Variants in FBXW5 observed in about 807,000 individuals in gnomAD.
FBXW5 encodes the protein F-box/WD repeat-containing protein 5.
In FBXW5, 74 loss-of-function variants were observed where a neutral mutation model predicts 50.9. The observed-to-expected ratio is 1.45, with a 90% CI of 1.20 to 1.76. The LOEUF is 1.76. Among genes scored for constraint, FBXW5 ranks in the 40% most tolerant of loss-of-function variants. The probability of loss-of-function intolerance (pLI) is 0.00; values close to 1 mark genes in which losing one functional copy is unlikely to be tolerated. For synonymous variants in FBXW5, 523 were observed against 362.2 expected, an observed-to-expected ratio of 1.44 and a Z score of -5.04; for missense variants, 1,073 against 818.8, an observed-to-expected ratio of 1.31 and a Z score of -3.79.
At position 136,942,575 on chromosome 9, in the gene FBXW5, G is replaced by T. The variant is rs776659501; in HGVS notation, c.647C>A (p.Ser216Ter). ...GAAGGCATTGTTGAGCCACAGCACC[G>T]AGCAGGAGGTGATATCTCCGATGCG... ...LHRIGDITSC[S>*]VLWLNNAFQD... The change falls in exon 5 of 9, where the codon TCG (serine) becomes TAG (stop). Residue 216 changes from serine (S) to a stop codon, truncating the protein, a stop_gained. Transcript: ENST00000325285. LOFTEE classifies it high-confidence loss of function. 5.0e-6 allele frequency: 8 copies of T among 1,611,908 alleles called. No homozygotes were observed. Among genetic ancestry groups the T allele is most frequent in the Non-Finnish European group, 5.9e-6 (7 of 1,179,598 alleles).
At position 136,942,577 on chromosome 9, in the gene FBXW5, G is replaced by A. The variant is rs145441520; in HGVS notation, c.645C>T (p.Cys215=). 200 of 1,611,998 alleles carry A rather than the reference G, an allele frequency of 1.2e-4. No individual in the cohort carries two copies. In the African/African-American group the frequency reaches 2.4e-3, roughly 19 times the overall value. ...NLHRIGDITS[C]SVLWLNNAFQ... is the part of the protein sequence containing the mutation. Reference sequence around the variant, plus strand: ...AGGCATTGTTGAGCCACAGCACCGAGCAGGAGGTGATATCTCCGATGCGGT... The same window carrying A: ...AGGCATTGTTGAGCCACAGCACCGAACAGGAGGTGATATCTCCGATGCGGT... Residue 215 remains cysteine (C), a synonymous_variant, in exon 5 of 9, where the codon TGC becomes TGT. Coordinates refer to ENST00000325285, the MANE Select transcript of FBXW5 (RefSeq NM_018998.4).
chr9:136,942,566 C>T lies in FBXW5; in HGVS notation c.656G>A (p.Trp219Ter). ...ACGCACCTGGAAGGCATTGTTGAGCCACAGCACCGAGCAGGAGGTGATATC... is the reference window on the plus strand; with the variant it reads ...ACGCACCTGGAAGGCATTGTTGAGCTACAGCACCGAGCAGGAGGTGATATC... ...IGDITSCSVL[W>*]LNNAFQDVES... is the part of the protein sequence containing the mutation. Residue 219 changes from tryptophan to a stop codon, truncating the protein, a stop_gained, in exon 5 of 9, where the codon TGG (tryptophan) becomes TAG (stop). Coordinates refer to ENST00000325285, the MANE Select transcript of FBXW5 (RefSeq NM_018998.4). LOFTEE classifies it high-confidence loss of function. 1 of 1,611,948 alleles carries T rather than the reference C, an allele frequency of 6.2e-7. No individual in the cohort carries two copies. Among genetic ancestry groups the T allele is most frequent in the South Asian group, 1.1e-5 (1 of 91,050 alleles).
intron 1 of FBXW5, 33 bp downstream of exon 1, chr9:136,944,561 G>A (rs1290835366): frequency 1.9e-5 from 19 of 983,540 alleles, no homozygotes; most frequent in Non-Finnish European, 2.3e-5. Context: ...GGGACGACAA[G>A]GCGGGACCCC....
At position 136,942,211 on chromosome 9, in the gene FBXW5, C is replaced by G. The variant is rs766502100; in HGVS notation, c.931G>C (p.Glu311Gln). The G allele has an allele frequency of 6.3e-7, 1 of 1,593,716 alleles. No individual in the cohort carries two copies. Among genetic ancestry groups the G allele is most frequent in the Non-Finnish European group, 8.5e-7 (1 of 1,171,394 alleles). ...GLRHFLDRVL[E>Q]GRAQPQLSER... ...GACAGCTGTGGCTGCGCCCGCCCCT[C>G]CAGCACGCGGTCCAGAAAGTGCCGC... The change falls in exon 6 of 9, where the codon GAG becomes CAG. Residue 311 changes from glutamate (E) to glutamine (Q), a missense_variant. Glu to Gln is a conservative substitution (Grantham distance 29). Transcript: ENST00000325285.
In FBXW5 at chr9:136,943,549, G is replaced by C. The variant is rs535518742; in HGVS notation, c.194-43C>G. 3.8e-6 allele frequency: 6 copies of C among 1,573,124 alleles called. No homozygotes were observed. In the Admixed American group the frequency reaches 8.8e-5, roughly 23 times the overall value. On this transcript the variant is annotated intron_variant, in intron 2 of 8. Transcript: ENST00000325285. ...TCAGTCCTGGGCCCGGGCCTTCCTC[G>C]CAGTCACGGCCATGAGCCGAGTGTG...
In FBXW5 at chr9:136,941,424, C is replaced by A. The variant is rs140009447; in HGVS notation, c.1284G>T (p.Ala428=). Residue 428 remains alanine (A), a synonymous_variant, in exon 8 of 9, where the codon GCG becomes GCT. Transcript: ENST00000325285. ...GCGGCTGCATGGGGTCGGCCACCAC[C>A]GCACCGTTGGGCCAGGCGCGGCTGT... ...YVNSRAWPNG[A]VVADPMQPPP... is the part of the protein sequence containing the mutation. 3.7e-6 allele frequency: 6 copies of A among 1,609,604 alleles called. No individual in the cohort carries two copies. The African/African-American group carries it at 8.0e-5, about 21-fold the overall frequency.
chr9:136,942,559 G>A lies in FBXW5; in HGVS notation c.663C>T (p.Asn221=). Residue 221 remains asparagine (N), a synonymous_variant, in exon 5 of 9, where the codon AAC becomes AAT. Coordinates refer to ENST00000325285, the MANE Select transcript of FBXW5 (RefSeq NM_018998.4). ...DITSCSVLWL[N]NAFQDVESEN... ...GCCCCGCACGCACCTGGAAGGCATT[G>A]TTGAGCCACAGCACCGAGCAGGAGG... 6.2e-7 allele frequency: 1 copy of A among 1,611,536 alleles called. No homozygotes were observed. Among genetic ancestry groups the A allele is most frequent in the Non-Finnish European group, 8.5e-7 (1 of 1,179,148 alleles).
rs766301275 is a variant in FBXW5 at position 136,942,033 on chromosome 9, G to A, written c.1096+13C>T. ...CTAGGACCGAGGCGGGCAGCATGGC[G>A]GCAGGGGTGTACCGATCTGGTGTGG... On this transcript the variant is annotated intron_variant, in intron 6 of 8. Coordinates refer to ENST00000325285, the MANE Select transcript of FBXW5 (RefSeq NM_018998.4). 12 of 1,592,114 alleles carry A rather than the reference G, an allele frequency of 7.5e-6. No homozygotes were observed. Among genetic ancestry groups the A allele is most frequent in the Admixed American group, 1.7e-5 (1 of 59,228 alleles).
Position 136,942,864 on chromosome 9 carries a change from G to A in FBXW5, c.431C>T (p.Ser144Phe). 1 of 1,613,628 alleles carries A rather than the reference G, an allele frequency of 6.2e-7. No homozygotes were observed. The highest frequency in any genetic ancestry group is 1.3e-5 in the African/African-American group (1 of 75,072). The change falls in exon 4 of 9, where the codon TCC becomes TTC. Residue 144 changes from serine to phenylalanine, a missense_variant. Transcript: ENST00000325285. ...RPYNWSYTQF[S>F]QFNKDDSLLL... ...TAGCGAGTCGTCCTTGTTGAACTGG[G>A]AGAACTGGGTGTAGCTCCAGTTGTA... is the stretch of plus-strand genomic sequence containing the variant.
rs530408621 is a variant in FBXW5, at chr9:136,944,550, G to A, written c.-24+44C>T. 127 of 983,658 alleles carry A rather than the reference G, an allele frequency of 1.3e-4. No homozygotes were observed. In the African/African-American group the frequency reaches 2.0e-3, roughly 16 times the overall value. The allele number at this position is 983,658 out of a possible 1,614,324, so 60.9% of individuals were successfully genotyped here. A position where few individuals can be genotyped will look rare whatever the true frequency, so the allele number is the denominator to read the frequency against. ...GCTCCTGCACTCGCCCAAGGCGGGC[G>A]GGGACGACAAGGCGGGACCCCCGAG... is the stretch of plus-strand genomic sequence containing the variant. On this transcript the variant is annotated intron_variant, in intron 1 of 8. Transcript: ENST00000325285.
chr9:136,943,327 C>G (rs759419002), intron 3 of FBXW5, 22 bp downstream of exon 3: 10 of 1,515,268 alleles, frequency 6.6e-6, no homozygotes, highest in Non-Finnish European at 8.1e-6. Context: ...GTGGGGTGTG[C>G]AGGACACCTG....
At chr9:136,943,646 G>GA in intron 2 of FBXW5, 140 bp from the exon 3 acceptor site, 3 of 1,238,298 alleles carry the variant, frequency 2.4e-6, no homozygotes, top group Non-Finnish European at 3.3e-6. Flanking sequence ...TCGGCTGGGG[G>GA]ATTCAACCCT....
intron 3 of FBXW5, 72 bp downstream of exon 3, chr9:136,943,277 A>G: frequency 9.7e-7 from 1 of 1,028,016 alleles, no homozygotes; most frequent in South Asian, 1.3e-5. Context: ...CCTGGTTGGA[A>G]CGCCTGGGTC....
Position 136,942,693 on chromosome 9 carries a change from A to G in FBXW5, c.529T>C (p.Ser177Pro). The change falls in exon 5 of 9, where the codon TCC becomes CCC. Residue 177 changes from serine (S) to proline (P), a missense_variant and splice_region_variant. Physicochemically the swap from Ser to Pro is moderately conservative, Grantham distance 74 (BLOSUM62 -1). Coordinates refer to ENST00000325285, the MANE Select transcript of FBXW5 (RefSeq NM_018998.4). ...SGEIAVISLD[S>P]FALLSRVRNK... is the part of the protein sequence containing the mutation. ...CGCACGCGGGACAGCAGCGCGAAGGAGTCTGTGGGGAGGCCGGGGCTGGAC... is the reference window on the plus strand; with the variant it reads ...CGCACGCGGGACAGCAGCGCGAAGGGGTCTGTGGGGAGGCCGGGGCTGGAC... The G allele has an allele frequency of 6.2e-7, 1 of 1,610,306 alleles. No individual in the cohort carries two copies. The highest frequency in any genetic ancestry group is 8.5e-7 in the Non-Finnish European group (1 of 1,178,998).
chr9:136,941,204 C>T (rs535554815), intron 8 of FBXW5, 33 bp from the exon 9 acceptor site: 48 of 1,597,868 alleles, frequency 3.0e-5, no homozygotes, highest in Admixed American at 1.9e-4. Context: ...GCCGGCCGCC[C>T]GCCCGCTGCT....
In FBXW5 at chr9:136,940,703, C is replaced by T; in HGVS notation, c.*225G>A. 1.5e-6 allele frequency: 1 copy of T among 656,856 alleles called. No individual in the cohort carries two copies. Among genetic ancestry groups the T allele is most frequent in the Non-Finnish European group, 2.5e-6 (1 of 397,204 alleles). 40.7% of individuals were successfully genotyped at this position (656,856 alleles called of 1,614,324 possible). On this transcript the variant is annotated 3_prime_UTR_variant, in exon 9 of 9. Transcript: ENST00000325285. ...CCAGTATCCTGTGTACCCCAAGTTG[C>T]CCAGGAGGCCGAGGGGGCCTTGGGC...
intron 3 of FBXW5, 151 bp downstream of exon 3, chr9:136,943,198 T>C: frequency 8.7e-7 from 1 of 1,143,678 alleles, no homozygotes; most frequent in Non-Finnish European, 1.2e-6. Context: ...TGATCCTCTG[T>C]GGTCCCTCCG....
In FBXW5 at chr9:136,941,326, C is replaced by CG. The variant is rs1437973795; in HGVS notation, c.1381dup (p.Arg461ProfsTer120). 6.2e-7 allele frequency: 1 copy of CG among 1,610,362 alleles called. No individual in the cohort carries two copies. The highest frequency in any genetic ancestry group is 8.5e-7 in the Non-Finnish European group (1 of 1,179,754). ...GTTGGGCGTGTAGGCGCGGTGCGCA[C>CG]GCAGAGCCCGCCTCACCTCCCGCAT... On this transcript the variant is annotated frameshift_variant, in exon 8 of 9. Transcript: ENST00000325285. LOFTEE classifies it high-confidence loss of function.
chr9:136,941,661 G>C lies in FBXW5; in HGVS notation c.1120C>G (p.Gln374Glu). 1 of 1,564,514 alleles carries C rather than the reference G, an allele frequency of 6.4e-7. No homozygotes were observed. The highest frequency in any genetic ancestry group is 2.4e-5 in the East Asian group (1 of 41,714). ...QIGIKQILPH[Q>E]MTTAGPVLGE... ...AGCACGGGCCCTGCCGTGGTCATCT[G>C]GTGTGGCAGGATCTGCTTGATGCCT... is the stretch of plus-strand genomic sequence containing the variant. Residue 374 changes from glutamine to glutamate, a missense_variant, in exon 7 of 9, where the codon CAG (glutamine) becomes GAG (glutamate). By Grantham distance (29) the Gln-to-Glu change is conservative. Transcript: ENST00000325285.
Sources: allele counts gnomAD v4.1 joint callset, GRCh38; gene constraint gnomAD v4.1.1; transcripts MANE v1.5; gene names NCBI Gene and HGNC (gene_info 2026-07-23, HGNC 2026-07-21).